UBE2H: variants seen among roughly 807,000 people sequenced by gnomAD.
UBE2H encodes the protein ubiquitin conjugating enzyme E2 H.
Under a neutral mutation model 29.0 loss-of-function variants are expected in UBE2H, and 3 were observed. The observed-to-expected ratio is 0.10, with a 90% confidence interval of 0.05 to 0.27. The LOEUF (loss-of-function observed/expected upper bound fraction) is 0.27, where lower values mean the gene tolerates loss of function less well. Among genes scored for constraint, UBE2H ranks in the 10% least tolerant of loss-of-function variants. The pLI, the probability that UBE2H is intolerant of heterozygous loss-of-function variation, is 1.00. For synonymous variants in UBE2H, 69 were observed against 82.9 expected, an observed-to-expected ratio of 0.83 and a Z score of 0.91; for missense variants, 68 against 228.2, an observed-to-expected ratio of 0.30 and a Z score of 4.52.
At chr7:129,876,316 C>T (rs2116361636) in intron 3 of UBE2H, among the ~76,000 whole-genome samples, 1 of 152,268 alleles carries the variant, frequency 6.6e-6, no homozygotes, top group Middle Eastern at 3.4e-3. Context: ...ACCCTGATAA[C>T]CAGTCCACTG....
In UBE2H at chr7:129,952,664, C is replaced by G; in HGVS notation, c.-109G>C. ...GGCTCCTCGGTGGAGGTGGCAACAC[C>G]CCCGCGGTCCCGGCGGTCCCGTCAG... On this transcript the variant is annotated 5_prime_UTR_variant, in exon 1 of 7. Transcript: ENST00000355621. 1 of 1,318,328 alleles carries G rather than the reference C, an allele frequency of 7.6e-7. No homozygotes were observed. The highest frequency in any genetic ancestry group is 1.0e-6 in the Non-Finnish European group (1 of 991,084). 81.7% of individuals were successfully genotyped at this position (1,318,328 alleles called of 1,614,324 possible).
chr7:129,926,783 G>C (rs1025351395), intron 1 of UBE2H, among the ~76,000 whole-genome samples: 1 of 152,110 alleles, frequency 6.6e-6, no homozygotes, highest in African/African-American at 2.4e-5. Context: ...CTCCAGAAAA[G>C]TATCAGGTAT....
At chr7:129,927,318 G>A (rs1807290260) in intron 1 of UBE2H, among the ~76,000 whole-genome samples, 1 of 152,060 alleles carries the variant, frequency 6.6e-6, no homozygotes, top group Admixed American at 6.6e-5. Context: ...GAGGGGGGTG[G>A]ATCACAAGGT....
chr7:129,924,505 G>A (rs1188379259), intron 1 of UBE2H, among the ~76,000 whole-genome samples: 12 of 151,936 alleles, frequency 7.9e-5, no homozygotes, highest in Non-Finnish European at 1.2e-4. Flanking sequence ...ATATTTCTCT[G>A]CAAAGAGAAT....
chr7:129,872,557 A>ATC (rs932494322), intron 3 of UBE2H, among the ~76,000 whole-genome samples: 1 of 151,988 alleles, frequency 6.6e-6, no homozygotes, highest in Admixed American at 6.6e-5. Flanking sequence ...ATATATATAT[A>ATC]TTGGCTGGGC....
At chr7:129,945,119 G>A (rs941112953) in intron 1 of UBE2H, among the ~76,000 whole-genome samples, 3 of 152,130 alleles carry the variant, frequency 2.0e-5, no homozygotes, top group Non-Finnish European at 4.4e-5. Context: ...AAGGGAGGGA[G>A]GGAAAGATTA....
intron 3 of UBE2H, 91 bp downstream of exon 3, chr7:129,879,477 T>C (rs1181493076): frequency 7.3e-6 from 9 of 1,224,718 alleles, no homozygotes; most frequent in Non-Finnish European, 1.1e-5. Flanking sequence ...TAGACAGCCA[T>C]TTCTGGCATT....
chr7:129,893,435 AG>A (rs1352400987), intron 1 of UBE2H, among the ~76,000 whole-genome samples: 3 of 152,214 alleles, frequency 2.0e-5, no homozygotes, highest in Admixed American at 6.5e-5. Flanking sequence ...AAGAAATCTA[AG>A]TACCACACCC....
At chr7:129,886,221 T>C (rs1400097820) in intron 1 of UBE2H, among the ~76,000 whole-genome samples, 1 of 152,206 alleles carries the variant, frequency 6.6e-6, no homozygotes, top group Admixed American at 6.5e-5. Context: ...CATTTCACTA[T>C]TAAGGGGTAT....
At chr7:129,883,344 C>T (rs573932418) in intron 1 of UBE2H, among the ~76,000 whole-genome samples, 8 of 152,308 alleles carry the variant, frequency 5.3e-5, no homozygotes, top group Middle Eastern at 3.4e-3. Context: ...TAAACCTGCA[C>T]ATATGCATAC....
Position 129,858,945 on chromosome 7 carries a change from TAA to T in UBE2H, c.206-6_206-5del. On this transcript the variant is annotated splice_polypyrimidine_tract_variant and splice_region_variant and intron_variant, in intron 3 of 6. Transcript: ENST00000355621. Reference sequence around the variant, plus strand: ...TGGAAAATTTTATTCATGAATCCTGTAAAAAGAGATGTTAATTAGCAGCAAAA... The same window carrying T: ...TGGAAAATTTTATTCATGAATCCTGTAAAGAGATGTTAATTAGCAGCAAAA... 2 of 1,608,852 alleles carry T rather than the reference TAA, an allele frequency of 1.2e-6. No individual in the cohort carries two copies. Among genetic ancestry groups the T allele is most frequent in the Non-Finnish European group, 1.7e-6 (2 of 1,176,926 alleles).
intron 3 of UBE2H, among the ~76,000 whole-genome samples, chr7:129,875,238 G>C (rs1385699935): frequency 6.6e-6 from 1 of 152,176 alleles, no homozygotes; most frequent in Admixed American, 6.5e-5. Context: ...TCAATAGTTT[G>C]GCATTCAAAT....
chr7:129,897,664 TC>T (rs1306997497), intron 1 of UBE2H, among the ~76,000 whole-genome samples: 1 of 152,202 alleles, frequency 6.6e-6, no homozygotes, highest in Non-Finnish European at 1.5e-5. Context: ...TGCAGAGAAC[TC>T]TGCGTTCCAA....
chr7:129,914,787 G>A (rs543098690), intron 1 of UBE2H, among the ~76,000 whole-genome samples: 1 of 152,264 alleles, frequency 6.6e-6, no homozygotes, highest in South Asian at 2.1e-4. Flanking sequence ...CAAAGCTCCC[G>A]AGTTATACAG....
At position 129,860,590 on chromosome 7, in the gene UBE2H, C is replaced by T. The variant is rs969053912; in HGVS notation, c.206-1649G>A. Reference sequence around the variant, plus strand: ...ATTTATAAAAGCCAACAGCCAAATTCAACCCTGTCAATGGGATAGGGTTGG... The same window carrying T: ...ATTTATAAAAGCCAACAGCCAAATTTAACCCTGTCAATGGGATAGGGTTGG... On this transcript the variant is annotated intron_variant, in intron 3 of 6. Coordinates refer to ENST00000355621, the MANE Select transcript of UBE2H (RefSeq NM_003344.4). 3.4e-4 allele frequency among the ~76,000 whole-genome samples: 51 copies of T among 152,134 alleles called. 1 individual carries two copies. The highest frequency in any genetic ancestry group is 3.3e-3 in the Admixed American group (51 of 15,270).
At position 129,925,840 on chromosome 7, in the gene UBE2H, A is replaced by G. The variant is rs73471922; in HGVS notation, c.53+26663T>C. On this transcript the variant is annotated intron_variant, in intron 1 of 6. Coordinates refer to ENST00000355621, the MANE Select transcript of UBE2H (RefSeq NM_003344.4). ...GCACTGAAGAGGGCTGGGAATACAC[A>G]CTGCGGCAATCTGGATTCCCTGATG... Among the ~76,000 whole-genome samples the G allele has an allele frequency of 9.3e-3, 1,423 of 152,228 alleles. 25 individuals carry two copies. The highest frequency in any genetic ancestry group is 0.032 in the African/African-American group (1,343 of 41,518).
chr7:129,849,058 C>T (rs1805562442), intron 5 of UBE2H, among the ~76,000 whole-genome samples: 1 of 151,890 alleles, frequency 6.6e-6, no homozygotes, highest in African/African-American at 2.4e-5. Context: ...AGTCTGTAAA[C>T]ATTAAAAGAC....
intron 3 of UBE2H, among the ~76,000 whole-genome samples, chr7:129,873,195 T>C (rs945875219): frequency 9.9e-5 from 15 of 151,726 alleles, no homozygotes; most frequent in African/African-American, 3.4e-4. Context: ...ATTTTTTGTA[T>C]TTTTTAGTAG....
Position 129,952,518 on chromosome 7 carries a change from G to A in UBE2H, c.38C>T (p.Thr13Met). ...SPSPGKRRMD[T>M]DVVKLIESKH... ...CGAAGGATACAGCTTGACCACGTCC[G>A]TGTCCATCCGCCTCTTGCCCGGACT... The change falls in exon 1 of 7, where the codon ACG becomes ATG. Residue 13 changes from threonine (T) to methionine (M), a missense_variant. Thr to Met is a moderately conservative substitution (Grantham distance 81). Coordinates refer to ENST00000355621, the MANE Select transcript of UBE2H (RefSeq NM_003344.4). 1.2e-6 allele frequency: 2 copies of A among 1,612,958 alleles called. No homozygotes were observed. Among genetic ancestry groups the A allele is most frequent in the Non-Finnish European group, 1.7e-6 (2 of 1,179,374 alleles).
Sources: gnomAD v4.1 joint callset for allele counts (sites outside exome capture counted in the v4.1 genomes callset) on GRCh38, gnomAD v4.1.1 for gene constraint, MANE v1.5 for transcripts, NCBI Gene and HGNC (gene_info 2026-07-23, HGNC 2026-07-21) for gene names.